Variants in USP32 observed in about 807,000 individuals in gnomAD.
USP32 encodes the protein ubiquitin carboxyl-terminal hydrolase 32.
A neutral mutation model predicts 204.8 loss-of-function variants in USP32; 59 were observed. That is an observed-to-expected ratio of 0.29 (90% CI 0.23 to 0.36). The LOEUF is 0.36. Among genes scored for constraint, USP32 ranks in the 10% least tolerant of loss-of-function variants. The pLI, the probability that USP32 is intolerant of heterozygous loss-of-function variation, is 1.00. For synonymous variants in USP32, 517 were observed against 678.4 expected (o/e 0.76, Z 3.70); for missense variants, 1,160 against 1,946.4 (o/e 0.60, Z 7.60).
At chr17:60,408,075 G>C (rs2089992455) in intron 1 of USP32, among the ~76,000 whole-genome samples, 1 of 151,754 alleles carries the variant, frequency 6.6e-6, no homozygotes, top group Admixed American at 6.6e-5. Flanking sequence ...TCCAGCCTGG[G>C]GTACAGAGCG....
At chr17:60,335,782 G>A (rs2088501549) in intron 2 of USP32, among the ~76,000 whole-genome samples, 1 of 143,010 alleles carries the variant, frequency 7.0e-6, no homozygotes, top group South Asian at 2.1e-4. Context: ...AGTGGGCAAT[G>A]GGTCATGTGC....
intron 2 of USP32, among the ~76,000 whole-genome samples, chr17:60,342,544 A>G (rs2145995622): frequency 6.6e-6 from 1 of 152,354 alleles, no homozygotes; most frequent in Non-Finnish European, 1.5e-5. Context: ...AGTGGAGTCT[A>G]GAGGCAGTAG....
chr17:60,317,961 G>A (rs185271446), intron 2 of USP32, among the ~76,000 whole-genome samples: 8 of 152,296 alleles, frequency 5.3e-5, no homozygotes, highest in East Asian at 1.9e-4. Flanking sequence ...CTCCAGCCTC[G>A]GCGACAGAGC....
At position 60,279,342 on chromosome 17, in the gene USP32, C is replaced by T. The variant is rs550634538; in HGVS notation, c.572-7861G>A. 4.0e-5 allele frequency among the ~76,000 whole-genome samples: 6 copies of T among 150,968 alleles called. No homozygotes were observed. The South Asian group carries it at 8.4e-4, about 21-fold the overall frequency. Reference sequence around the variant, plus strand: ...CTACAAATAATTTTTAGAAATTAGCCGGGTGTGGTGAATGCACCTGTGGCC... The same window carrying T: ...CTACAAATAATTTTTAGAAATTAGCTGGGTGTGGTGAATGCACCTGTGGCC... On this transcript the variant is annotated intron_variant, in intron 5 of 33. Transcript: ENST00000300896.
At chr17:60,278,599 A>G (rs1246292268) in intron 5 of USP32, among the ~76,000 whole-genome samples, 1 of 152,218 alleles carries the variant, frequency 6.6e-6, no homozygotes, top group African/African-American at 2.4e-5. Flanking sequence ...GTTTTAATTC[A>G]AAAACAAGAA....
chr17:60,280,159 C>T (rs1001016652), intron 5 of USP32, among the ~76,000 whole-genome samples: 31 of 151,950 alleles, frequency 2.0e-4, no homozygotes, highest in Non-Finnish European at 3.8e-4. Flanking sequence ...TGCAATGGCA[C>T]GGTCTTGGCT....
chr17:60,396,432 A>G (rs2089901612), upstream of USP32, among the ~76,000 whole-genome samples: 2 of 152,180 alleles, frequency 1.3e-5, no homozygotes, highest in African/African-American at 4.8e-5. Context: ...ACACAAGTAT[A>G]TAATGTAAAA....
chr17:60,179,726 A>G (rs1412515860), intron 33 of USP32, among the ~76,000 whole-genome samples: 5 of 152,192 alleles, frequency 3.3e-5, no homozygotes, highest in African/African-American at 4.8e-5. Flanking sequence ...GCTGGTGTGC[A>G]CTGGTGCGAT....
At position 60,345,592 on chromosome 17, in the gene USP32, T is replaced by C. The variant is rs755318172; in HGVS notation, c.75A>G (p.Leu25=). The stretch of plus-strand genomic sequence containing the variant: ...TCTTGAAAGCATCCTTCAGTCGTTT[T>C]AGCTCTACATCTGTAACTGCAATTC... ...EALRRVTDVE[L]KRLKDAFKRT... is the part of the protein sequence containing the mutation. Residue 25 remains leucine (L), a synonymous_variant, in exon 2 of 34, where the codon CTA becomes CTG. Coordinates refer to ENST00000300896, the MANE Select transcript of USP32 (RefSeq NM_032582.4). 6.2e-7 allele frequency: 1 copy of C among 1,614,190 alleles called. No homozygotes were observed. Among genetic ancestry groups the C allele is most frequent in the Non-Finnish European group, 8.5e-7 (1 of 1,180,012 alleles).
At chr17:60,248,778 C>T (rs1567801414) in intron 11 of USP32, among the ~76,000 whole-genome samples, 1 of 152,170 alleles carries the variant, frequency 6.6e-6, no homozygotes, top group East Asian at 1.9e-4. Flanking sequence ...GTATTGAAGT[C>T]TTTGTGTGCT....
At chr17:60,365,220 C>T (rs548202688) in intron 1 of USP32, among the ~76,000 whole-genome samples, 2 of 152,182 alleles carry the variant, frequency 1.3e-5, no homozygotes, top group South Asian at 4.2e-4. Context: ...GTGGCTCATA[C>T]CTGTAATCCC....
Position 60,234,910 on chromosome 17 carries a change from T to A in USP32, c.1239+1228A>T, listed in dbSNP as rs183787971. 3.0e-3 allele frequency among the ~76,000 whole-genome samples: 453 copies of A among 152,146 alleles called. 4 individuals are homozygous for A. Among genetic ancestry groups the A allele is most frequent in the Middle Eastern group, 3.4e-3 (1 of 294 alleles). ...TTAAAGTTTGCATTTGACAGACGCA[T>A]GCTAGAAAATAATATCAAATGCCAG... is the stretch of plus-strand genomic sequence containing the variant. On this transcript the variant is annotated intron_variant, in intron 12 of 33. Coordinates refer to ENST00000300896, the MANE Select transcript of USP32 (RefSeq NM_032582.4).
intron 11 of USP32, among the ~76,000 whole-genome samples, chr17:60,237,137 T>A (rs2085751481): frequency 6.6e-6 from 1 of 151,304 alleles, no homozygotes; most frequent in African/African-American, 2.4e-5. Flanking sequence ...TATCTATCTA[T>A]CTATCTATCT....
At chr17:60,284,598 T>C (rs191475313) in intron 5 of USP32, among the ~76,000 whole-genome samples, 3 of 152,316 alleles carry the variant, frequency 2.0e-5, no homozygotes, top group Admixed American at 2.0e-4. Context: ...GATTTTCAAA[T>C]AAAACGGAGC....
rs535873857 is a variant in USP32, at chr17:60,392,035, T to C, written c.-96A>G. 3.0e-4 allele frequency: 427 copies of C among 1,409,038 alleles called. No individual in the cohort carries two copies. Among genetic ancestry groups the C allele is most frequent in the Non-Finnish European group, 3.1e-4 (328 of 1,045,870 alleles). 87.3% of individuals were successfully genotyped at this position (1,409,038 alleles called of 1,614,324 possible). A position where few individuals can be genotyped will look rare whatever the true frequency, so the allele number is the denominator to read the frequency against. On this transcript the variant is annotated 5_prime_UTR_variant, in exon 1 of 34. Transcript: ENST00000300896. ...GCGTCCCTGGGTGACGGTGACGGTG[T>C]CGGCGTCCCCCGCCCCCACCTCCCC...
chr17:60,179,050 T>C lies in USP32; in HGVS notation c.*205A>G, dbSNP rs1481072031. 2 of 589,450 alleles carry C rather than the reference T, an allele frequency of 3.4e-6. No individual in the cohort carries two copies. The highest frequency in any genetic ancestry group is 3.5e-5 in the Admixed American group (1 of 28,372). 36.5% of individuals were successfully genotyped at this position (589,450 alleles called of 1,614,324 possible). A position where few individuals can be genotyped will look rare whatever the true frequency, so the allele number is the denominator to read the frequency against. On this transcript the variant is annotated 3_prime_UTR_variant, in exon 34 of 34. Transcript: ENST00000300896. The stretch of plus-strand genomic sequence containing the variant: ...GTGGGATCTGCCTGAAAGTTCTCTA[T>C]CGGAGAGCTTGTATGAGACTTCAAA...
At chr17:60,392,505 G>A, upstream of USP32, 1 of 304,994 alleles carries the variant, frequency 3.3e-6, no homozygotes, top group South Asian at 2.2e-5. Context: ...GCGCCCACAT[G>A]TTCTGGCGTT....
In USP32 at chr17:60,251,750, G is replaced by A. The variant is rs138660807; in HGVS notation, c.1136+631C>T. ...AATTTATCCTAAAGTAAATCCTTAA[G>A]CCAAGACATAGAGATTTTATTAACA... On this transcript the variant is annotated intron_variant, in intron 11 of 33. Coordinates refer to ENST00000300896, the MANE Select transcript of USP32 (RefSeq NM_032582.4). Among the ~76,000 whole-genome samples, 57 of 152,122 alleles carry A rather than the reference G, an allele frequency of 3.7e-4. 1 individual carries two copies. The East Asian group carries it at 9.3e-3, about 25-fold the overall frequency.
intron 2 of USP32, among the ~76,000 whole-genome samples, chr17:60,311,374 T>C (rs1298587164): frequency 1.3e-5 from 2 of 152,212 alleles, no homozygotes; most frequent in African/African-American, 4.8e-5. Context: ...ATGTATGTGG[T>C]AATGATCTCA....
Sources: allele counts gnomAD v4.1 joint callset (sites outside exome capture counted in the v4.1 genomes callset), GRCh38; gene constraint gnomAD v4.1.1; transcripts MANE v1.5; gene names NCBI Gene and HGNC (gene_info 2026-07-23, HGNC 2026-07-21).